THAP4: variants seen among roughly 807,000 people sequenced by gnomAD.
The protein encoded by THAP4 is peroxynitrite isomerase THAP4.
A neutral mutation model predicts 48.1 loss-of-function variants in THAP4; 18 were observed. The ratio of observed to expected loss-of-function variants is 0.37; its 90% CI spans 0.26 to 0.56. The LOEUF (loss-of-function observed/expected upper bound fraction) is 0.56, where lower values mean the gene tolerates loss of function less well. THAP4 is among the 20% of genes least tolerant of loss of function. The pLI is 0.78. For synonymous variants in THAP4, 345 were observed against 324.9 expected, an observed-to-expected ratio of 1.06 and a Z score of -0.66; for missense variants, 656 against 774.9, an observed-to-expected ratio of 0.85 and a Z score of 1.82.
At chr2:241,604,342 C>G (rs1212211709) in intron 3 of THAP4, among the ~76,000 whole-genome samples, 3 of 152,126 alleles carry the variant, frequency 2.0e-5, no homozygotes, top group Non-Finnish European at 4.4e-5. Context: ...CCTCCGCCTC[C>G]TGAGTTCAAG....
In THAP4 at chr2:241,601,675, A is replaced by T; in HGVS notation, c.1614+221T>A. 1.4e-6 allele frequency: 1 copy of T among 722,162 alleles called. No homozygotes were observed. The highest frequency in any genetic ancestry group is 2.2e-5 in the South Asian group (1 of 46,078). 44.7% of individuals were successfully genotyped at this position (722,162 alleles called of 1,614,324 possible). ...AAAGGATGTTTGTGACAAACAACAA[A>T]CCTCAAAAAAACCACACCACTGACC... On this transcript the variant is annotated intron_variant, in intron 5 of 5. Coordinates refer to ENST00000407315, the MANE Select transcript of THAP4 (RefSeq NM_015963.6). This position sits in a 1 kb window ranked among gnomAD's most constrained non-coding sequence, Gnocchi z 4.0.
intron 2 of THAP4, among the ~76,000 whole-genome samples, chr2:241,613,076 G>T (rs1465124407): frequency 1.3e-5 from 2 of 152,032 alleles, no homozygotes; most frequent in Non-Finnish European, 2.9e-5. Context: ...GTAGCTATTA[G>T]AAAATATTAA....
Position 241,612,024 on chromosome 2 carries a change from T to G in THAP4, c.1241-5551A>C, listed in dbSNP as rs2067283449. On this transcript the variant is annotated intron_variant, in intron 2 of 5. Transcript: ENST00000407315. The surrounding 1 kb of genome is among the most constrained non-coding windows in gnomAD (Gnocchi z 4.1). ...CTCAAGTGATTCTCCCGCCTCAGCCTCCCGAGTAGTTGAATGAAGCTGCTC... is the reference window on the plus strand; with the variant it reads ...CTCAAGTGATTCTCCCGCCTCAGCCGCCCGAGTAGTTGAATGAAGCTGCTC... Among the ~76,000 whole-genome samples, 1 of 152,116 alleles carries G rather than the reference T, an allele frequency of 6.6e-6. No homozygotes were observed. The highest frequency in any genetic ancestry group is 2.4e-5 in the African/African-American group (1 of 41,420).
chr2:241,629,472 T>TAA (rs201986582), intron 2 of THAP4, among the ~76,000 whole-genome samples: 2 of 137,882 alleles, frequency 1.5e-5, no homozygotes, highest in Non-Finnish European at 3.1e-5. Context: ...CCCTGTCTCT[T>TAA]AAAAAAAAAA....
chr2:241,628,893 TC>T (rs1164295196), intron 2 of THAP4, among the ~76,000 whole-genome samples: 1 of 114,914 alleles, frequency 8.7e-6, no homozygotes, highest in African/African-American at 3.4e-5. Context: ...TAAGACGAGA[TC>T]ATGCCACTGC....
At chr2:241,632,846 C>T (rs921621184) in intron 2 of THAP4, 71 bp downstream of exon 2, 29 of 1,260,328 alleles carry the variant, frequency 2.3e-5, no homozygotes, top group South Asian at 4.6e-5. Flanking sequence ...GCTCAGGGGA[C>T]GCTGGCCACC....
intron 2 of THAP4, chr2:241,617,584 A>G: frequency 1.1e-6 from 1 of 937,884 alleles, no homozygotes; most frequent in Non-Finnish European, 1.6e-6. Context: ...ATCACGTCTC[A>G]GAAGAAAGTA....
At chr2:241,604,803 C>T (rs1040151560) in intron 3 of THAP4, among the ~76,000 whole-genome samples, 1 of 152,134 alleles carries the variant, frequency 6.6e-6, no homozygotes, top group African/African-American at 2.4e-5. Context: ...AGTGATCCAC[C>T]CGCCTTGGCC....
intron 2 of THAP4, among the ~76,000 whole-genome samples, chr2:241,624,373 G>A (rs1415855156): frequency 6.6e-6 from 1 of 151,996 alleles, no homozygotes; most frequent in African/African-American, 2.4e-5. Flanking sequence ...TGTACTCCCA[G>A]CTACTCAGGA....
intron 2 of THAP4, among the ~76,000 whole-genome samples, chr2:241,608,018 G>T (rs113064470): frequency 6.6e-6 from 1 of 150,734 alleles, no homozygotes; most frequent in Non-Finnish European, 1.5e-5. Context: ...CCAGGCCCGC[G>T]CAAGCAGAAG....
chr2:241,608,900 A>G (rs2125081952), intron 2 of THAP4, among the ~76,000 whole-genome samples: 1 of 152,356 alleles, frequency 6.6e-6, no homozygotes, highest in Non-Finnish European at 1.5e-5. Flanking sequence ...TACCCTGGAG[A>G]AGAGCAGACC....
At chr2:241,584,767 C>A in intron 5 of THAP4, 42 bp from the exon 6 acceptor site, 1 of 1,613,308 alleles carries the variant, frequency 6.2e-7, no homozygotes, top group Non-Finnish European at 8.5e-7. Flanking sequence ...GTTTTATCTT[C>A]AAAAGATTCA....
chr2:241,630,740 T>C (rs1162849296), intron 2 of THAP4, among the ~76,000 whole-genome samples: 11 of 145,498 alleles, frequency 7.6e-5, no homozygotes, highest in Admixed American at 2.7e-4. Flanking sequence ...GATTGCACCA[T>C]TGCACTCCAG....
chr2:241,603,194 G>A (rs1354891879), intron 3 of THAP4, 115 bp from the exon 4 acceptor site: 5 of 756,474 alleles, frequency 6.6e-6, no homozygotes, highest in South Asian at 3.0e-5. Flanking sequence ...AGCCACACCC[G>A]CACACCTGTC....
Position 241,599,183 on chromosome 2 carries a change from C to T in THAP4, c.1614+2713G>A, listed in dbSNP as rs145610538. ...ATGAGAATCGCTTGAACTCAGGAGG[C>T]GGAGGTTGCAGTGAGCTGAGATCGT... On this transcript the variant is annotated intron_variant, in intron 5 of 5. Transcript: ENST00000407315. Among the ~76,000 whole-genome samples, 1,461 of 150,674 alleles carry T rather than the reference C, an allele frequency of 9.7e-3. 18 individuals are homozygous for T. Among genetic ancestry groups the T allele is most frequent in the African/African-American group, 0.034 (1,393 of 40,832 alleles).
chr2:241,586,558 A>C (rs2066899008), intron 5 of THAP4, among the ~76,000 whole-genome samples: 1 of 152,138 alleles, frequency 6.6e-6, no homozygotes, highest in Non-Finnish European at 1.5e-5. Flanking sequence ...AGATCAAAAG[A>C]AAAAACAGGA....
chr2:241,620,256 A>G (rs1479134273), intron 2 of THAP4, among the ~76,000 whole-genome samples: 1 of 47,866 alleles, frequency 2.1e-5, no homozygotes, highest in Admixed American at 2.8e-4. Flanking sequence ...GTGAGGAGTG[A>G]GTGAGGGGTG....
In THAP4 at chr2:241,584,433, T is replaced by C; in HGVS notation, c.*173A>G. 1.6e-6 allele frequency: 1 copy of C among 634,236 alleles called. No individual in the cohort carries two copies. The highest frequency in any genetic ancestry group is 2.7e-6 in the Non-Finnish European group (1 of 366,106). 39.3% of individuals were successfully genotyped at this position (634,236 alleles called of 1,614,324 possible). On this transcript the variant is annotated 3_prime_UTR_variant, in exon 6 of 6. Transcript: ENST00000407315. ...TATTCAAAATCCTCAGCCATAAAAA[T>C]AAAGGCCTTTTATTTGGTTTTTCTA...
chr2:241,636,159 T>A (rs1369778900), intron 1 of THAP4, among the ~76,000 whole-genome samples: 2 of 152,272 alleles, frequency 1.3e-5, no homozygotes, highest in Admixed American at 6.5e-5. Flanking sequence ...TGTAATGATT[T>A]AAGACTTACA....
Sources: allele counts gnomAD v4.1 joint callset (sites outside exome capture counted in the v4.1 genomes callset), GRCh38; gene constraint gnomAD v4.1.1; non-coding constraint Gnocchi (gnomAD v3.1); transcripts MANE v1.5; gene names NCBI Gene and HGNC (gene_info 2026-07-23, HGNC 2026-07-21).